NKD1: variants seen among roughly 807,000 people sequenced by gnomAD.
NKD1 encodes protein naked cuticle homolog 1.
In NKD1, 21 loss-of-function variants were observed where a neutral mutation model predicts 56.0. The ratio of observed to expected loss-of-function variants is 0.38; its 90% CI spans 0.27 to 0.54. The LOEUF is 0.54. Ranked by LOEUF, NKD1 falls within the 20% of genes least tolerant of loss-of-function variation. The pLI is 0.82. For synonymous variants in NKD1, 263 were observed against 265.7 expected (o/e 0.99, Z 0.10); for missense variants, 578 against 642.7 (o/e 0.90, Z 1.09).
intron 3 of NKD1, chr16:50,555,273 C>T (rs965928140): frequency 6.6e-6 from 1 of 152,496 alleles, no homozygotes; most frequent in African/African-American, 2.4e-5. Context: ...CTCCAAATGG[C>T]TCTGCAGCCT....
chr16:50,548,934 C>T, intron 2 of NKD1, 185 bp downstream of exon 2: 1 of 952,082 alleles, frequency 1.1e-6, no homozygotes, highest in African/African-American at 1.8e-5. Flanking sequence ...CCTACCCGCT[C>T]CCCGCGGTCC....
intron 3 of NKD1, chr16:50,607,443 G>C (rs1961738105): frequency 6.1e-6 from 1 of 163,386 alleles, no homozygotes; most frequent in Admixed American, 5.8e-5. Flanking sequence ...CAGCTGCTGA[G>C]TTTGGGCTTT....
At position 50,633,343 on chromosome 16, in the gene NKD1, C is replaced by A. The variant is rs149779305; in HGVS notation, c.975C>A (p.Ile325=). The change falls in exon 10 of 10, where the codon ATC becomes ATA. Residue 325 remains isoleucine, a synonymous_variant. Coordinates refer to ENST00000268459, the MANE Select transcript of NKD1 (RefSeq NM_033119.5). This position sits in a 1 kb window ranked among gnomAD's most constrained non-coding sequence, Gnocchi z 4.9. ...PASFHFLDTP[I]AKVSELQQRL... The stretch of plus-strand genomic sequence containing the variant: ...CCTTCCACTTCCTTGACACCCCAAT[C>A]GCCAAGGTCTCAGAGCTCCAGCAAC... 6.2e-7 allele frequency: 1 copy of A among 1,614,170 alleles called. No homozygotes were observed. The highest frequency in any genetic ancestry group is 1.3e-5 in the African/African-American group (1 of 75,052).
chr16:50,559,444 C>T (rs1353378838), intron 3 of NKD1, among the ~76,000 whole-genome samples: 4 of 151,246 alleles, frequency 2.6e-5, no homozygotes, highest in East Asian at 3.9e-4. Flanking sequence ...GCAGAAGGCA[C>T]GGGATGTGCA....
chr16:50,586,082 G>A (rs1169437902), intron 3 of NKD1, among the ~76,000 whole-genome samples: 1 of 152,120 alleles, frequency 6.6e-6, no homozygotes, highest in Non-Finnish European at 1.5e-5. Flanking sequence ...CACCCAGGGT[G>A]GAGCTGAAAG....
chr16:50,624,814 G>C (rs1962173412), intron 5 of NKD1, among the ~76,000 whole-genome samples: 1 of 152,208 alleles, frequency 6.6e-6, no homozygotes, highest in African/African-American at 2.4e-5. Context: ...TCCTTCCCAG[G>C]CTCTTCAGGG....
intron 2 of NKD1, 58 bp from the exon 3 acceptor site, chr16:50,549,364 G>A: frequency 1.9e-6 from 3 of 1,583,464 alleles, no homozygotes; most frequent in Non-Finnish European, 2.6e-6. Flanking sequence ...TCCCTCCGCG[G>A]GGGTAACTTT....
rs1299111358 is a variant in NKD1 at position 50,642,848 on chromosome 16, G to A, written c.*9067G>A. 6.6e-6 allele frequency: 1 copy of A among 152,210 alleles called. No individual in the cohort carries two copies. The highest frequency in any genetic ancestry group is 1.5e-5 in the Non-Finnish European group (1 of 68,040). The allele number at this position is 152,210 out of a possible 1,614,324, so 9.4% of individuals were successfully genotyped here. A position where few individuals can be genotyped will look rare whatever the true frequency, so the allele number is the denominator to read the frequency against. On this transcript the variant is annotated 3_prime_UTR_variant, in exon 10 of 10. Coordinates refer to ENST00000268459, the MANE Select transcript of NKD1 (RefSeq NM_033119.5). ...GCTACACACTCAAAAAACACTTGAG[G>A]ACATGACTTTTCCCTCTCAAGTTTG...
At chr16:50,610,454 A>T (rs965193991) in intron 4 of NKD1, among the ~76,000 whole-genome samples, 2 of 152,168 alleles carry the variant, frequency 1.3e-5, no homozygotes, top group African/African-American at 4.8e-5. Context: ...TGTGGATGGT[A>T]GGCCACCGCG....
At chr16:50,573,888 C>T in intron 3 of NKD1, 1 of 985,368 alleles carries the variant, frequency 1.0e-6, no homozygotes, top group Non-Finnish European at 1.2e-6. Context: ...GGGTGCTGAG[C>T]TGGCACAAAC....
intron 3 of NKD1, chr16:50,574,618 G>A: frequency 1.0e-6 from 1 of 985,420 alleles, no homozygotes; most frequent in East Asian, 1.1e-4. Flanking sequence ...GCCTCCAGCG[G>A]GCAGGAGGAG....
intron 3 of NKD1, among the ~76,000 whole-genome samples, chr16:50,586,959 C>G (rs1961243598): frequency 6.6e-6 from 1 of 152,226 alleles, no homozygotes; most frequent in Non-Finnish European, 1.5e-5. Flanking sequence ...AGGCAGGAAG[C>G]TGGCTTCTTC....
At chr16:50,618,876 G>A (rs1401767392) in intron 4 of NKD1, among the ~76,000 whole-genome samples, 2 of 152,170 alleles carry the variant, frequency 1.3e-5, no homozygotes, top group African/African-American at 4.8e-5. Flanking sequence ...GGTCGAGGGG[G>A]ATGTTTTCCA....
At position 50,618,110 on chromosome 16, in the gene NKD1, C is replaced by T. The variant is rs184789201; in HGVS notation, c.260-3492C>T. Reference sequence around the variant, plus strand: ...TTTGCCACCTCCTGCTCTAAGTCACCCAAAAGTGCTTCTTAGGCAAGTGAA... The same window carrying T: ...TTTGCCACCTCCTGCTCTAAGTCACTCAAAAGTGCTTCTTAGGCAAGTGAA... On this transcript the variant is annotated intron_variant, in intron 4 of 9. Transcript: ENST00000268459. 1.4e-4 allele frequency among the ~76,000 whole-genome samples: 21 copies of T among 152,220 alleles called. No individual in the cohort carries two copies. In the East Asian group the frequency reaches 3.7e-3, roughly 27 times the overall value.
intron 4 of NKD1, among the ~76,000 whole-genome samples, chr16:50,610,827 G>C (rs2054014538): frequency 6.6e-6 from 1 of 152,242 alleles, no homozygotes. Flanking sequence ...GCTGGGCTTG[G>C]TGGGCCAGGG....
chr16:50,548,986 T>TCCCCCCCC (rs1960307706), intron 2 of NKD1: 1 of 577,268 alleles, frequency 1.7e-6, no homozygotes. Context: ...CCCTCCCGCG[T>TCCCCCCCC]CCCTGCCCTC....
At chr16:50,549,648 C>T (rs1368847502) in intron 3 of NKD1, 93 bp downstream of exon 3, 3 of 1,230,316 alleles carry the variant, frequency 2.4e-6, no homozygotes, top group African/African-American at 1.6e-5. Context: ...GAGCACTTTC[C>T]TGCACAGCTT....
At chr16:50,608,783 G>A (rs912057957) in intron 4 of NKD1, among the ~76,000 whole-genome samples, 7 of 152,134 alleles carry the variant, frequency 4.6e-5, no homozygotes, top group African/African-American at 9.7e-5. Flanking sequence ...TGGTGCATGA[G>A]TGTGCACACA....
At chr16:50,629,484 T>TC (rs1962295875) in intron 6 of NKD1, among the ~76,000 whole-genome samples, 1 of 152,208 alleles carries the variant, frequency 6.6e-6, no homozygotes, top group Non-Finnish European at 1.5e-5. Flanking sequence ...ATGCCCCCAC[T>TC]CCATTTTCCC....
Sources: gnomAD v4.1 joint callset for allele counts (sites outside exome capture counted in the v4.1 genomes callset) on GRCh38, gnomAD v4.1.1 for gene constraint, Gnocchi (gnomAD v3.1) non-coding constraint, MANE v1.5 for transcripts, NCBI Gene and HGNC (gene_info 2026-07-23, HGNC 2026-07-21) for gene names.